The following TMPRSS11B variants were observed in gnomAD, a reference collection of about 807,000 sequenced individuals.
The protein encoded by TMPRSS11B is transmembrane serine protease 11B.
TMPRSS11B carries 53 observed loss-of-function variants against 44.7 expected under a neutral mutation model. The ratio of observed to expected loss-of-function variants is 1.19; its 90% CI spans 0.95 to 1.49. The LOEUF (loss-of-function observed/expected upper bound fraction) is 1.49, where lower values mean the gene tolerates loss of function less well. Among genes scored for constraint, TMPRSS11B ranks in the 40% most tolerant of loss-of-function variants. The pLI is 0.00. For missense variants in TMPRSS11B, 526 were observed against 494.8 expected, an observed-to-expected ratio of 1.06 and a Z score of -0.60; for synonymous variants, 140 against 159.2, an observed-to-expected ratio of 0.88 and a Z score of 0.91.
intron 2 of TMPRSS11B, among the ~76,000 whole-genome samples, chr4:68,240,183 T>A (rs1226736161): frequency 6.6e-6 from 1 of 152,212 alleles, no homozygotes; most frequent in Non-Finnish European, 1.5e-5. Context: ...TTCATACCAC[T>A]TAAATGAGAG....
intron 1 of TMPRSS11B, 37 bp from the exon 2 acceptor site, chr4:68,241,841 T>G: frequency 1.6e-6 from 2 of 1,268,684 alleles, no homozygotes. Context: ...AATCAGATAA[T>G]AACAATCAAA....
At chr4:68,242,230 TTATA>T (rs1170743883) in intron 1 of TMPRSS11B, among the ~76,000 whole-genome samples, 1 of 74,548 alleles carries the variant, frequency 1.3e-5, no homozygotes, top group African/African-American at 7.0e-5. Context: ...TTATATTATA[TTATA>T]TATATTATAT....
intron 9 of TMPRSS11B, among the ~76,000 whole-genome samples, chr4:68,228,396 C>T (rs1393116428): frequency 6.6e-6 from 1 of 152,210 alleles, no homozygotes; most frequent in Non-Finnish European, 1.5e-5. Context: ...GTGGCATAGG[C>T]ATGTGCCCAG....
intron 6 of TMPRSS11B, 93 bp from the exon 7 acceptor site, chr4:68,231,473 G>A (rs769036638): frequency 1.7e-6 from 2 of 1,165,276 alleles, no homozygotes; most frequent in East Asian, 5.0e-5. Flanking sequence ...ACCTTTCAGT[G>A]ATTATTCAAC....
chr4:68,234,419 G>T (rs1560442416), intron 5 of TMPRSS11B, 44 bp downstream of exon 5: 1 of 1,564,632 alleles, frequency 6.4e-7, no homozygotes, highest in Non-Finnish European at 8.6e-7. Flanking sequence ...AAATAATCCA[G>T]AAAAAACCTA....
At chr4:68,238,576 A>T (rs2109962159) in intron 2 of TMPRSS11B, among the ~76,000 whole-genome samples, 1 of 151,556 alleles carries the variant, frequency 6.6e-6, no homozygotes, top group East Asian at 1.9e-4. Context: ...AAAAAAAAAA[A>T]ATTAGCCAGG....
intron 2 of TMPRSS11B, among the ~76,000 whole-genome samples, chr4:68,237,116 T>G (rs1444736983): frequency 6.6e-6 from 1 of 151,976 alleles, no homozygotes; most frequent in Non-Finnish European, 1.5e-5. Flanking sequence ...CCAACCCTGG[T>G]GTGTGATGTT....
rs1271018835 is a variant in TMPRSS11B, at chr4:68,229,280, C to A, written c.923G>T (p.Gly308Val). 2 of 1,609,976 alleles carry A rather than the reference C, an allele frequency of 1.2e-6. No individual in the cohort carries two copies. Among genetic ancestry groups the A allele is most frequent in the South Asian group, 2.2e-5 (2 of 90,374 alleles). Residue 308 changes from glycine to valine, a missense_variant, in exon 8 of 10, where the codon GGT (glycine) becomes GTT (valine). Physicochemically the swap from Gly to Val is moderately radical, Grantham distance 109. Coordinates refer to ENST00000332644, the MANE Select transcript of TMPRSS11B (RefSeq NM_182502.3). ...ACCATTCATATAAAGTGTTCCCCAA[C>A]CTGTAACTACAACATTGTCATTTTC... ...LSENDNVVVT[G>V]WGTLYMNGSF...
intron 9 of TMPRSS11B, 120 bp from the exon 10 acceptor site, chr4:68,228,192 A>C (rs954573607): frequency 2.2e-6 from 2 of 917,380 alleles, no homozygotes; most frequent in African/African-American, 3.4e-5. Context: ...TGGGCTTAGA[A>C]CTCTGAAACC....
In TMPRSS11B at chr4:68,231,268, A is replaced by T; in HGVS notation, c.621T>A (p.Arg207=). The change falls in exon 7 of 10, where the codon CGT becomes CGA. Residue 207 remains arginine, a synonymous_variant. Transcript: ENST00000332644. ...PWQASMQWKG[R]HYCGASLISS... is the part of the protein sequence containing the mutation. ...TGATCAGAGAGGCTCCACAGTAGTG[A>T]CGGCCTTTCCATTGCATGCTGGCCT... 1 of 1,613,808 alleles carries T rather than the reference A, an allele frequency of 6.2e-7. No homozygotes were observed.
At chr4:68,240,943 C>A (rs1195150451) in intron 2 of TMPRSS11B, among the ~76,000 whole-genome samples, 1 of 151,992 alleles carries the variant, frequency 6.6e-6, no homozygotes, top group African/African-American at 2.4e-5. Flanking sequence ...TAATATCAAG[C>A]TTTTAAGCAA....
intron 5 of TMPRSS11B, among the ~76,000 whole-genome samples, chr4:68,233,333 C>T (rs748554901): frequency 1.3e-5 from 2 of 152,126 alleles, no homozygotes; most frequent in African/African-American, 2.4e-5. Context: ...TTCAAGCCCT[C>T]GAAGACCCTA....
At chr4:68,228,118 T>G in intron 9 of TMPRSS11B, 46 bp from the exon 10 acceptor site, 14 of 1,520,138 alleles carry the variant, frequency 9.2e-6, no homozygotes, top group Non-Finnish European at 1.2e-5. Flanking sequence ...AACAAAAAAT[T>G]TCCTTTTACC....
chr4:68,240,590 G>T (rs1719797414), intron 2 of TMPRSS11B, among the ~76,000 whole-genome samples: 1 of 151,994 alleles, frequency 6.6e-6, no homozygotes, highest in Non-Finnish European at 1.5e-5. Flanking sequence ...TTTTCACAAG[G>T]GCTTGATTTT....
intron 1 of TMPRSS11B, among the ~76,000 whole-genome samples, chr4:68,243,696 A>C (rs1284168834): frequency 6.6e-6 from 1 of 152,164 alleles, no homozygotes; most frequent in East Asian, 1.9e-4. Context: ...CTGTGACAGT[A>C]AGGTCTCAAA....
At chr4:68,236,563 C>T (rs925952060) in intron 2 of TMPRSS11B, among the ~76,000 whole-genome samples, 2 of 152,062 alleles carry the variant, frequency 1.3e-5, no homozygotes, top group Admixed American at 1.3e-4. Flanking sequence ...ATGGCAACTC[C>T]ATATCATTCA....
rs147410555 is a variant in TMPRSS11B, at chr4:68,241,620, G to A, written c.124+69C>T. ...CAAGAAGAAATTTAATGTTCATGTTGTTTTTTTTCAATTTTTAAAATTTAA... is the reference window on the plus strand; with the variant it reads ...CAAGAAGAAATTTAATGTTCATGTTATTTTTTTTCAATTTTTAAAATTTAA... On this transcript the variant is annotated intron_variant, in intron 2 of 9. Coordinates refer to ENST00000332644, the MANE Select transcript of TMPRSS11B (RefSeq NM_182502.3). The A allele has an allele frequency of 7.5e-4, 718 of 952,592 alleles. 2 individuals carry two copies. The African/African-American group carries it at 0.01, about 14-fold the overall frequency. 59.0% of individuals were successfully genotyped at this position (952,592 alleles called of 1,614,324 possible).
intron 1 of TMPRSS11B, 100 bp downstream of exon 1, chr4:68,245,451 C>G: frequency 7.6e-7 from 1 of 1,314,298 alleles, no homozygotes; most frequent in Non-Finnish European, 1.1e-6. Context: ...GGAATAAAAA[C>G]TAAATTATAA....
intron 2 of TMPRSS11B, among the ~76,000 whole-genome samples, chr4:68,236,915 CATTATTATT>C (rs10582916): frequency 0.026 from 3,664 of 142,962 alleles, 153 homozygotes; most frequent in African/African-American, 0.084. Context: ...ACCATGGTGC[CATTATTATT>C]ATTATTATTA....
Sources: allele counts gnomAD v4.1 joint callset (sites outside exome capture counted in the v4.1 genomes callset), GRCh38; gene constraint gnomAD v4.1.1; transcripts MANE v1.5; gene names NCBI Gene and HGNC (gene_info 2026-07-23, HGNC 2026-07-21).